Variants in ARL17B observed in about 807,000 individuals in gnomAD.
The protein encoded by ARL17B is ARF like GTPase 17B, also known as ADP-ribosylation factor-like protein 17.
intron 4 of ARL17B, among the ~76,000 whole-genome samples, chr17:46,277,980 T>G (rs1331885856): frequency 2.7e-5 from 4 of 150,884 alleles, no homozygotes; most frequent in African/African-American, 9.8e-5. Flanking sequence ...AGTCTCGTTC[T>G]TGTCGCCCAG....
intron 4 of ARL17B, among the ~76,000 whole-genome samples, chr17:46,281,685 C>T (rs2049767424): frequency 6.6e-6 from 1 of 152,068 alleles, no homozygotes; most frequent in Non-Finnish European, 1.5e-5. Context: ...TCACTGTCAC[C>T]CAGGCTGGAG....
At chr17:46,279,503 T>TC (rs1304479603) in intron 4 of ARL17B, among the ~76,000 whole-genome samples, 1,097 of 103,934 alleles carry the variant, frequency 0.011, 2 homozygotes, top group South Asian at 0.017. Flanking sequence ...TTTCTTTCTT[T>TC]TTTTTTTTTT....
rs143680167 is a variant in ARL17B at position 46,277,369 on chromosome 17, G to C, written c.*22-1951C>G. Among the ~76,000 whole-genome samples, 277 of 152,244 alleles carry C rather than the reference G, an allele frequency of 1.8e-3. 2 individuals are homozygous for C. The highest frequency in any genetic ancestry group is 6.5e-3 in the African/African-American group (268 of 41,514). ...CAGCAGTTGCCAGCAGTCATCCTCTGGGCTCTGCCAGCAAGTTGGCAGCAG... is the reference window on the plus strand; with the variant it reads ...CAGCAGTTGCCAGCAGTCATCCTCTCGGCTCTGCCAGCAAGTTGGCAGCAG... On this transcript the variant is annotated intron_variant, in intron 4 of 4. Transcript: ENST00000570618.
rs1290779421 is a variant in ARL17B, at chr17:46,292,898, T to C, written c.*21+6628A>G. The C allele has an allele frequency of 8.1e-4, 60 of 74,398 alleles. 4 individuals carry two copies. The highest frequency in any genetic ancestry group is 2.0e-3 in the African/African-American group (57 of 28,948). The allele number at this position is 74,398 out of a possible 1,614,324, so 4.6% of individuals were successfully genotyped here. A position where few individuals can be genotyped will look rare whatever the true frequency, so the allele number is the denominator to read the frequency against. On this transcript the variant is annotated intron_variant, in intron 4 of 4. Transcript: ENST00000570618. ...TAGACCACATATATGATGGTGGTTC[T>C]GTAAGCGTATAATGGAGCTATCCCT...
intron 4 of ARL17B, among the ~76,000 whole-genome samples, chr17:46,288,287 G>A (rs1265345137): frequency 6.7e-6 from 1 of 148,634 alleles, no homozygotes; most frequent in Non-Finnish European, 1.5e-5. Context: ...GACTACAGAT[G>A]TGCACCACCA....
intron 4 of ARL17B, among the ~76,000 whole-genome samples, chr17:46,284,702 A>T (rs2049858246): frequency 6.6e-6 from 1 of 152,244 alleles, no homozygotes; most frequent in Non-Finnish European, 1.5e-5. Flanking sequence ...GGATGGGTTC[A>T]AAGTGTGGAA....
chr17:46,277,799 CTTA>C (rs1280186529), intron 4 of ARL17B, among the ~76,000 whole-genome samples: 19 of 116,530 alleles, frequency 1.6e-4, no homozygotes, highest in Admixed American at 3.7e-4. Flanking sequence ...GGTGCCCACC[CTTA>C]CGCCTAGCTA....
chr17:46,285,588 C>T (rs1319434467), intron 4 of ARL17B, among the ~76,000 whole-genome samples: 1 of 152,210 alleles, frequency 6.6e-6, no homozygotes, highest in Admixed American at 6.5e-5. Flanking sequence ...TCTAATCATA[C>T]TGTTTCTCAA....
intron 4 of ARL17B, among the ~76,000 whole-genome samples, chr17:46,278,744 T>C (rs949632502): frequency 6.6e-6 from 1 of 152,170 alleles, no homozygotes; most frequent in African/African-American, 2.4e-5. Context: ...ATTATATCAT[T>C]CCATGCTTTG....
chr17:46,333,104 T>G (rs2052100048), downstream of ARL17B, among the ~76,000 whole-genome samples: 1 of 122,596 alleles, frequency 8.2e-6, no homozygotes, highest in African/African-American at 2.8e-5. Flanking sequence ...TCTTGTAGAC[T>G]TATTAGATTT....
intron 3 of ARL17B, among the ~76,000 whole-genome samples, chr17:46,314,293 TGTC>T (rs1232492080): frequency 3.2e-5 from 1 of 31,506 alleles, no homozygotes; most frequent in African/African-American, 7.4e-5. Flanking sequence ...AAAAAACTGT[TGTC>T]TAATTTAAGG....
intron 4 of ARL17B, among the ~76,000 whole-genome samples, chr17:46,283,995 G>C (rs62071641): frequency 0.045 from 5,777 of 127,746 alleles, no homozygotes; most frequent in Non-Finnish European, 0.074. Flanking sequence ...CCCACCTCCA[G>C]CCCTAAGGCG....
At chr17:46,285,800 C>T (rs1010498380) in intron 4 of ARL17B, among the ~76,000 whole-genome samples, 2 of 152,206 alleles carry the variant, frequency 1.3e-5, no homozygotes, top group African/African-American at 2.4e-5. Context: ...AGATTGGAAA[C>T]TTGAAATCCT....
rs1363597393 is a variant in ARL17B, at chr17:46,317,105, C to G, written c.260-17440G>C. ...ACAAAACCGCCATTGTCATCATGGC[C>G]CGTTCTCAATGAGCTGTTGGGTACA... On this transcript the variant is annotated intron_variant, in intron 3 of 4. Transcript: ENST00000434041. 2.3e-5 allele frequency among the ~76,000 whole-genome samples: 2 copies of G among 86,352 alleles called. 1 individual carries two copies. Among genetic ancestry groups the G allele is most frequent in the Non-Finnish European group, 6.9e-5 (2 of 28,824 alleles). The allele number at this position is 86,352 out of a possible 152,430, so 56.7% of individuals were successfully genotyped here.
At chr17:46,278,637 C>T (rs573287363) in intron 4 of ARL17B, among the ~76,000 whole-genome samples, 38 of 151,828 alleles carry the variant, frequency 2.5e-4, no homozygotes, top group African/African-American at 8.7e-4. Flanking sequence ...CTCCTGACCT[C>T]GTGATACACC....
At chr17:46,325,024 TG>T (rs1274452463) in intron 3 of ARL17B, among the ~76,000 whole-genome samples, 2 of 76,206 alleles carry the variant, frequency 2.6e-5, no homozygotes, top group Non-Finnish European at 7.7e-5. Flanking sequence ...AAGATTAGCA[TG>T]GAAAGGGCCC....
chr17:46,280,125 C>A (rs78729576), intron 4 of ARL17B, among the ~76,000 whole-genome samples: 17,578 of 148,272 alleles, frequency 0.12, 2 homozygotes, highest in Middle Eastern at 0.19. Context: ...GTAATCCCAG[C>A]ACTTTGGGAG....
chr17:46,286,786 T>C (rs188215622), intron 4 of ARL17B, among the ~76,000 whole-genome samples: 14 of 152,376 alleles, frequency 9.2e-5, no homozygotes, highest in African/African-American at 3.1e-4. Flanking sequence ...GATGCTCTTA[T>C]TAGAACTCAC....
At chr17:46,280,591 C>A (rs1363266757) in intron 4 of ARL17B, among the ~76,000 whole-genome samples, 1 of 27,480 alleles carries the variant, frequency 3.6e-5, no homozygotes. Context: ...TTTTTTTTTC[C>A]TGAGCAGAGT....
Sources: allele counts gnomAD v4.1 joint callset (sites outside exome capture counted in the v4.1 genomes callset), GRCh38; gene constraint gnomAD v4.1.1; transcripts MANE v1.5; gene names NCBI Gene and HGNC (gene_info 2026-07-23, HGNC 2026-07-21).